Variants in RAD51B observed in about 807,000 individuals in gnomAD.
RAD51B encodes the protein RAD51 paralog B.
Under a neutral mutation model 42.2 loss-of-function variants are expected in RAD51B, and 38 were observed. The ratio of observed to expected loss-of-function variants is 0.90; its 90% CI spans 0.70 to 1.18. The LOEUF (loss-of-function observed/expected upper bound fraction) is 1.18, where lower values mean the gene tolerates loss of function less well. Among genes scored for constraint, RAD51B ranks in the 50% most tolerant of loss-of-function variants. The pLI, the probability that RAD51B is intolerant of heterozygous loss-of-function variation, is 0.00. For missense variants in RAD51B, 373 were observed against 400.7 expected (o/e 0.93, Z 0.59); for synonymous variants, 154 against 145.2 (o/e 1.06, Z -0.43).
chr14:68,310,434 A>G (rs753130323), intron 8 of RAD51B, among the ~76,000 whole-genome samples: 9 of 152,170 alleles, frequency 5.9e-5, no homozygotes, highest in Non-Finnish European at 1.3e-4. Flanking sequence ...CCTGTAAACC[A>G]CACGGTAGAT....
At chr14:67,859,719 A>G (rs765141225) in intron 4 of RAD51B, among the ~76,000 whole-genome samples, 6 of 152,246 alleles carry the variant, frequency 3.9e-5, no homozygotes, top group Non-Finnish European at 8.8e-5. Context: ...GTGTTTTCTT[A>G]ACAGCAAAAG....
chr14:68,452,190 T>G (rs1024346571), intron 9 of RAD51B, among the ~76,000 whole-genome samples: 1 of 152,210 alleles, frequency 6.6e-6, no homozygotes, highest in Non-Finnish European at 1.5e-5. Context: ...TTGTTTTTTT[T>G]GGTTATTTAA....
At chr14:67,894,951 T>C (rs1278153654) in intron 7 of RAD51B, among the ~76,000 whole-genome samples, 2 of 152,158 alleles carry the variant, frequency 1.3e-5, no homozygotes, top group African/African-American at 4.8e-5. Flanking sequence ...ATTTTTTTGA[T>C]TTTTAGTAGA....
intron 4 of RAD51B, among the ~76,000 whole-genome samples, chr14:67,854,878 A>G (rs1343267392): frequency 6.6e-6 from 1 of 151,976 alleles, no homozygotes; most frequent in Non-Finnish European, 1.5e-5. Context: ...AGGCAGGAGG[A>G]TCACTTGAGC....
chr14:68,308,041 C>T (rs2081902581), intron 8 of RAD51B, among the ~76,000 whole-genome samples: 1 of 152,086 alleles, frequency 6.6e-6, no homozygotes, highest in South Asian at 2.1e-4. Flanking sequence ...TATTTATAGC[C>T]AGTCTGAAGC....
At chr14:68,484,887 C>A (rs995216670) in intron 10 of RAD51B, among the ~76,000 whole-genome samples, 12 of 152,188 alleles carry the variant, frequency 7.9e-5, no homozygotes, top group African/African-American at 2.7e-4. Context: ...CTCAAAACTT[C>A]AGTTTGCACA....
intron 10 of RAD51B, among the ~76,000 whole-genome samples, chr14:68,576,371 G>C (rs1424667441): frequency 6.6e-6 from 1 of 152,210 alleles, no homozygotes; most frequent in African/African-American, 2.4e-5. Context: ...TTCGTGATTA[G>C]GATTGTTACC....
At chr14:68,484,881 A>G (rs770201733) in intron 10 of RAD51B, among the ~76,000 whole-genome samples, 3 of 152,114 alleles carry the variant, frequency 2.0e-5, no homozygotes, top group Admixed American at 1.3e-4. Context: ...TATTTACTCA[A>G]AACTTCAGTT....
chr14:68,343,752 G>A (rs886479598), intron 8 of RAD51B, among the ~76,000 whole-genome samples: 7 of 152,372 alleles, frequency 4.6e-5, no homozygotes, highest in African/African-American at 1.4e-4. Flanking sequence ...GGAAATAATG[G>A]TTTCAGGGAC....
At chr14:68,223,315 G>A (rs957538941) in intron 7 of RAD51B, among the ~76,000 whole-genome samples, 1 of 152,180 alleles carries the variant, frequency 6.6e-6, no homozygotes. Flanking sequence ...TTTAGGATAT[G>A]TATGTTTTTA....
At chr14:67,952,602 GA>G (rs201785676) in intron 7 of RAD51B, among the ~76,000 whole-genome samples, 134 of 142,338 alleles carry the variant, frequency 9.4e-4, no homozygotes, top group East Asian at 1.2e-3. Context: ...TTTCTTCAAG[GA>G]AAAAAAAAAA....
intron 5 of RAD51B, among the ~76,000 whole-genome samples, chr14:67,880,289 A>C (rs1232932221): frequency 1.3e-5 from 2 of 152,224 alleles, no homozygotes. Flanking sequence ...TACTTTGCTC[A>C]TTTTGAGAAA....
intron 7 of RAD51B, among the ~76,000 whole-genome samples, chr14:68,146,829 G>T (rs1239157546): frequency 6.6e-6 from 1 of 152,124 alleles, no homozygotes; most frequent in Non-Finnish European, 1.5e-5. Flanking sequence ...AGTGTTGGGA[G>T]GGGGTGTTCC....
At chr14:68,046,259 G>T (rs764109152) in intron 7 of RAD51B, among the ~76,000 whole-genome samples, 1 of 152,272 alleles carries the variant, frequency 6.6e-6, no homozygotes, top group South Asian at 2.1e-4. Context: ...AAGTAGCTGG[G>T]ACTACATGCA....
intron 7 of RAD51B, among the ~76,000 whole-genome samples, chr14:68,077,322 G>A (rs1446809470): frequency 6.6e-6 from 1 of 152,182 alleles, no homozygotes; most frequent in Admixed American, 6.5e-5. Context: ...ATGATTGCCA[G>A]AATGTAGAAT....
rs1428956214 is a variant in RAD51B, at chr14:68,541,201, TCTGCTCAG to T, written c.1037-53281_1037-53274del. ...CCAGGGAGAGGCTGCAGATCCTTTC[TCTGCTCAG>T]CTCCGTTCGGGCTCCTCTTTTCTTG... On this transcript the variant is annotated intron_variant, in intron 10 of 10. Coordinates refer to the RAD51B transcript ENST00000487270. The T allele has an allele frequency of 3.0e-6, 3 of 985,350 alleles. No homozygotes were observed. The African/African-American group carries it at 5.2e-5, about 17-fold the overall frequency. The allele number at this position is 985,350 out of a possible 1,614,324, so 61.0% of individuals were successfully genotyped here.
chr14:68,285,749 G>T (rs1199561074), intron 7 of RAD51B, among the ~76,000 whole-genome samples: 1 of 152,118 alleles, frequency 6.6e-6, no homozygotes. Flanking sequence ...GTTGCTTCGT[G>T]AATCCTCTAG....
chr14:68,595,951 C>CTT lies in RAD51B; in HGVS notation c.*1363_*1364dup, dbSNP rs11305606. The CTT allele has an allele frequency of 4.8e-3, 1,633 of 337,620 alleles. 19 individuals carry two copies. Among genetic ancestry groups the CTT allele is most frequent in the African/African-American group, 0.032 (1,301 of 41,298 alleles). The allele number at this position is 337,620 out of a possible 1,614,324, so 20.9% of individuals were successfully genotyped here. A position where few individuals can be genotyped will look rare whatever the true frequency, so the allele number is the denominator to read the frequency against. ...ACTTTTATTTCTTTTTTGGAATTGTCTTTTTTTTTTTTTTTTCAAGTTTCC... is the reference window on the plus strand; with the variant it reads ...ACTTTTATTTCTTTTTTGGAATTGTCTTTTTTTTTTTTTTTTTTCAAGTTTCC... On this transcript the variant is annotated 3_prime_UTR_variant, in exon 11 of 11. Coordinates refer to the RAD51B transcript ENST00000487270.
At chr14:68,123,261 T>C (rs1230384855) in intron 7 of RAD51B, among the ~76,000 whole-genome samples, 1 of 151,106 alleles carries the variant, frequency 6.6e-6, no homozygotes, top group African/African-American at 2.4e-5. Context: ...GATCATGGCT[T>C]ACTCCAGCCT....
Sources: allele counts gnomAD v4.1 joint callset (sites outside exome capture counted in the v4.1 genomes callset), GRCh38; gene constraint gnomAD v4.1.1; transcripts MANE v1.5; gene names NCBI Gene and HGNC (gene_info 2026-07-23, HGNC 2026-07-21).